SMYD4: variants seen among roughly 807,000 people sequenced by gnomAD.
SMYD4 encodes the protein SET and MYND domain containing 4, also known as protein-lysine N-methyltransferase SMYD4.
In SMYD4, 68 loss-of-function variants were observed where a neutral mutation model predicts 72.8. That is an observed-to-expected ratio of 0.93 (90% CI 0.77 to 1.14). The LOEUF (loss-of-function observed/expected upper bound fraction) is 1.14. Among genes scored for constraint, SMYD4 ranks in the 50% most tolerant of loss-of-function variants. SMYD4 has a pLI of 0.00. For synonymous variants in SMYD4, 407 were observed against 388.6 expected (o/e 1.05, Z -0.56); for missense variants, 984 against 1,003.7 (o/e 0.98, Z 0.27).
rs111830471 is a variant in SMYD4, at chr17:1,785,704, A to G, written c.1884+1106T>C. Among the ~76,000 whole-genome samples, 688 of 151,108 alleles carry G rather than the reference A, an allele frequency of 4.6e-3. 3 individuals are homozygous for G. Among genetic ancestry groups the G allele is most frequent in the African/African-American group, 0.016 (654 of 40,868 alleles). On this transcript the variant is annotated intron_variant, in intron 7 of 10. Transcript: ENST00000305513. The stretch of plus-strand genomic sequence containing the variant: ...GAGTCTGGGAGGTTGAGGCTGTGGT[A>G]AGCAGAGATCGTGCCACTGCACTCA...
In SMYD4 at chr17:1,805,948, G is replaced by A. The variant is rs1360655800; in HGVS notation, c.280-1233C>T. On this transcript the variant is annotated intron_variant, in intron 3 of 10. Coordinates refer to ENST00000305513, the MANE Select transcript of SMYD4 (RefSeq NM_052928.3). Reference sequence around the variant, plus strand: ...AATTCTTTTTTTTTTTTTTGAGACGGAGTCTCGCTCTGTCGCCCAGGCTGG... The same window carrying A: ...AATTCTTTTTTTTTTTTTTGAGACGAAGTCTCGCTCTGTCGCCCAGGCTGG... Among the ~76,000 whole-genome samples the A allele has an allele frequency of 2.7e-5, 4 of 148,792 alleles. No individual in the cohort carries two copies. The South Asian group carries it at 8.5e-4, about 31-fold the overall frequency.
intron 2 of SMYD4, among the ~76,000 whole-genome samples, chr17:1,816,448 G>A (rs1363303980): frequency 2.0e-5 from 3 of 151,414 alleles, no homozygotes; most frequent in East Asian, 2.0e-4. Flanking sequence ...TGAAACCCCC[G>A]TCTCTACCAA....
intron 5 of SMYD4, among the ~76,000 whole-genome samples, chr17:1,799,378 T>G (rs1458341772): frequency 1.3e-5 from 2 of 151,982 alleles, no homozygotes; most frequent in African/African-American, 2.4e-5. Flanking sequence ...AAATAATTTT[T>G]TTTTTTTTTG....
intron 4 of SMYD4, among the ~76,000 whole-genome samples, chr17:1,801,293 C>T (rs55830403): frequency 0.36 from 54,831 of 151,692 alleles, 11,686 homozygotes; most frequent in Non-Finnish European, 0.5. Flanking sequence ...GGCTGGATTG[C>T]AGTGGTGCGA....
chr17:1,829,839 G>GCGCCCCGCTC lies in SMYD4; in HGVS notation c.-136_-127dup, dbSNP rs913795129. On this transcript the variant is annotated 5_prime_UTR_variant, in exon 1 of 11. It introduces an in-frame stop codon into an upstream open reading frame of the 5' UTR. Coordinates refer to ENST00000305513, the MANE Select transcript of SMYD4 (RefSeq NM_052928.3). ...CGCGCAGCTCCTGGCGCGCCCCTTG[G>GCGCCCCGCTC]CGCCCCGCTCCGCCCCGCACCGCGT... The GCGCCCCGCTC allele has an allele frequency of 4.4e-5, 13 of 296,750 alleles. No individual in the cohort carries two copies. In the South Asian group the frequency reaches 4.8e-4, roughly 11 times the overall value. 18.4% of individuals were successfully genotyped at this position (296,750 alleles called of 1,614,324 possible). A position where few individuals can be genotyped will look rare whatever the true frequency, so the allele number is the denominator to read the frequency against.
intron 4 of SMYD4, among the ~76,000 whole-genome samples, chr17:1,803,445 C>T (rs1003793519): frequency 5.3e-5 from 8 of 152,224 alleles, no homozygotes; most frequent in African/African-American, 1.2e-4. Context: ...ACACTGAACA[C>T]TGCTGACCTC....
At chr17:1,797,958 T>C (rs1909492974) in intron 5 of SMYD4, among the ~76,000 whole-genome samples, 1 of 151,792 alleles carries the variant, frequency 6.6e-6, no homozygotes, top group South Asian at 2.1e-4. Flanking sequence ...GCCGAGATTG[T>C]GCCACCGCAC....
intron 5 of SMYD4, among the ~76,000 whole-genome samples, chr17:1,796,310 T>TTTTC (rs1053442881): frequency 2.0e-5 from 3 of 148,320 alleles, no homozygotes; most frequent in African/African-American, 7.5e-5. Context: ...TTTTTTTTTT[T>TTTTC]TTTTTTTGTA....
chr17:1,792,663 A>G (rs1188759607), intron 5 of SMYD4, among the ~76,000 whole-genome samples: 2 of 151,836 alleles, frequency 1.3e-5, no homozygotes, highest in African/African-American at 4.8e-5. Context: ...CAAAACCAGT[A>G]AAACAACTCT....
In SMYD4 at chr17:1,827,935, CG is replaced by C. The variant is rs1911282951; in HGVS notation, c.59del (p.Pro20ArgfsTer14). On this transcript the variant is annotated frameshift_variant, in exon 2 of 11. Coordinates refer to ENST00000305513, the MANE Select transcript of SMYD4 (RefSeq NM_052928.3). LOFTEE classifies it high-confidence loss of function. Reference sequence around the variant, plus strand: ...TAGAAATTGTGACCTGAACAGACGTCGGGAGTGAAGCCCACTTTTGAAGCAG... The same window carrying C: ...TAGAAATTGTGACCTGAACAGACGTCGGAGTGAAGCCCACTTTTGAAGCAG... ...SYLLQKWASL[P>X]TSVQVTISTA... The C allele has an allele frequency of 6.2e-7, 1 of 1,613,442 alleles. No individual in the cohort carries two copies. Among genetic ancestry groups the C allele is most frequent in the African/African-American group, 1.3e-5 (1 of 74,890 alleles).
intron 2 of SMYD4, among the ~76,000 whole-genome samples, chr17:1,819,631 T>G (rs952776548): frequency 9.9e-5 from 15 of 152,196 alleles, no homozygotes; most frequent in African/African-American, 2.7e-4. Context: ...CCAGAATCAT[T>G]CCATCACACT....
chr17:1,806,802 A>T (rs1910056665), intron 3 of SMYD4, among the ~76,000 whole-genome samples: 1 of 152,212 alleles, frequency 6.6e-6, no homozygotes, highest in Non-Finnish European at 1.5e-5. Context: ...TAAAATATCC[A>T]TTGACCAGGC....
chr17:1,784,566 A>C (rs35158295), intron 7 of SMYD4, 105 bp from the exon 8 acceptor site: 36 of 1,527,624 alleles, frequency 2.4e-5, no homozygotes, highest in Non-Finnish European at 3.1e-5. Flanking sequence ...TCATGGGGGA[A>C]AGAGACTCCT....
At position 1,800,413 on chromosome 17, in the gene SMYD4, C is replaced by T. The variant is rs748839423; in HGVS notation, c.981G>A (p.Trp327Ter). 1.2e-6 allele frequency: 2 copies of T among 1,614,134 alleles called. No homozygotes were observed. Among genetic ancestry groups the T allele is most frequent in the Admixed American group, 3.3e-5 (2 of 60,014 alleles). The change falls in exon 5 of 11, where the codon TGG (tryptophan) becomes TGA (stop). Residue 327 changes from tryptophan to a stop codon, truncating the protein, a stop_gained. Transcript: ENST00000305513. LOFTEE classifies it high-confidence loss of function. ...YCSQECLQQA[W>*]ELYHRTECPL... ...GACATTCTGTCCTGTGGTAGAGCTC[C>T]CAGGCCTGCTGCAAACACTCCTGGC...
chr17:1,807,247 ATC>A (rs1464082934), intron 3 of SMYD4, among the ~76,000 whole-genome samples: 2 of 151,998 alleles, frequency 1.3e-5, no homozygotes, highest in Non-Finnish European at 2.9e-5. Context: ...GGAAACAAGC[ATC>A]GATCCACAGG....
intron 2 of SMYD4, among the ~76,000 whole-genome samples, chr17:1,814,406 G>A (rs1250016232): frequency 6.6e-6 from 1 of 152,210 alleles, no homozygotes; most frequent in East Asian, 1.9e-4. Flanking sequence ...CTTTCACATT[G>A]TGACTCAGTA....
Position 1,783,175 on chromosome 17 carries a change from A to G in SMYD4, c.2138-17T>C. Reference sequence around the variant, plus strand: ...GCCAGTCTCCTGTGAGAAGAGAAAAATCTTGTTCCAGAAAAGAACCACTGT... The same window carrying G: ...GCCAGTCTCCTGTGAGAAGAGAAAAGTCTTGTTCCAGAAAAGAACCACTGT... On this transcript the variant is annotated splice_polypyrimidine_tract_variant and intron_variant, in intron 9 of 10. Coordinates refer to ENST00000305513, the MANE Select transcript of SMYD4 (RefSeq NM_052928.3). The G allele has an allele frequency of 6.2e-7, 1 of 1,613,932 alleles. No homozygotes were observed. Among genetic ancestry groups the G allele is most frequent in the South Asian group, 1.1e-5 (1 of 91,064 alleles).
At chr17:1,816,329 T>A (rs1379868798) in intron 2 of SMYD4, among the ~76,000 whole-genome samples, 6 of 139,396 alleles carry the variant, frequency 4.3e-5, no homozygotes, top group East Asian at 2.0e-4. Flanking sequence ...TTTAAAAAAA[T>A]TTTTTTTTGG....
At chr17:1,788,970 A>T (rs772361071) in intron 5 of SMYD4, among the ~76,000 whole-genome samples, 23 of 152,228 alleles carry the variant, frequency 1.5e-4, no homozygotes, top group Non-Finnish European at 3.1e-4. Flanking sequence ...TGTGTTTCTA[A>T]CAAAACAGGT....
Sources: allele counts gnomAD v4.1 joint callset (sites outside exome capture counted in the v4.1 genomes callset), GRCh38; gene constraint gnomAD v4.1.1; transcripts MANE v1.5; gene names NCBI Gene and HGNC (gene_info 2026-07-23, HGNC 2026-07-21).